Variants in NKAIN2 observed in about 807,000 individuals in gnomAD.
NKAIN2 encodes the protein sodium/potassium transporting ATPase interacting 2.
Under a neutral mutation model 32.6 loss-of-function variants are expected in NKAIN2, and 14 were observed. That is an observed-to-expected ratio of 0.43 (90% CI 0.28 to 0.67). The LOEUF is 0.67. Ranked by LOEUF, NKAIN2 falls within the 30% of genes least tolerant of loss-of-function variation. The pLI, the probability that NKAIN2 is intolerant of heterozygous loss-of-function variation, is 0.17. For missense variants in NKAIN2, 198 were observed against 258.3 expected (o/e 0.77, Z 1.60); for synonymous variants, 80 against 87.2 (o/e 0.92, Z 0.46).
chr6:123,849,647 A>G (rs761496721), intron 1 of NKAIN2, among the ~76,000 whole-genome samples: 2 of 152,092 alleles, frequency 1.3e-5, no homozygotes, highest in Non-Finnish European at 2.9e-5. Context: ...AAGGAGCTAC[A>G]GAGGCTGGGG....
intron 1 of NKAIN2, chr6:123,828,873 C>G (rs1358696126): frequency 1.3e-5 from 2 of 152,122 alleles, no homozygotes; most frequent in Non-Finnish European, 2.9e-5. Context: ...GGAAGCTCTC[C>G]CTGACCTTCA....
intron 3 of NKAIN2, among the ~76,000 whole-genome samples, chr6:124,639,088 G>A (rs1487130471): frequency 6.6e-6 from 1 of 152,010 alleles, no homozygotes; most frequent in African/African-American, 2.4e-5. Context: ...AGTAAATGCT[G>A]GTGAGGATTC....
At chr6:124,673,463 A>G (rs991704190) in intron 4 of NKAIN2, among the ~76,000 whole-genome samples, 11 of 152,156 alleles carry the variant, frequency 7.2e-5, no homozygotes, top group Middle Eastern at 6.8e-3. Context: ...AGAACTGTAT[A>G]CTGTTACACC....
chr6:124,251,689 G>T (rs889182053), intron 1 of NKAIN2, among the ~76,000 whole-genome samples: 2 of 152,014 alleles, frequency 1.3e-5, no homozygotes, highest in Non-Finnish European at 2.9e-5. Flanking sequence ...TACAAAGTTA[G>T]TCAATATTGT....
At chr6:123,908,749 C>A (rs1048676217) in intron 1 of NKAIN2, among the ~76,000 whole-genome samples, 2 of 152,008 alleles carry the variant, frequency 1.3e-5, no homozygotes, top group African/African-American at 4.8e-5. Context: ...GTTTGATTAG[C>A]GTTTTTAAAT....
chr6:124,821,250 G>A (rs570726074), intron 6 of NKAIN2, among the ~76,000 whole-genome samples: 16 of 151,170 alleles, frequency 1.1e-4, no homozygotes, highest in Middle Eastern at 6.8e-3. Context: ...AGCAAAGATC[G>A]TGCCACTGCA....
intron 1 of NKAIN2, among the ~76,000 whole-genome samples, chr6:124,263,941 A>T (rs140425813): frequency 6.6e-6 from 1 of 152,288 alleles, no homozygotes; most frequent in East Asian, 1.9e-4. Context: ...GCAATTTTGA[A>T]GCACCTATCA....
intron 3 of NKAIN2, among the ~76,000 whole-genome samples, chr6:124,627,334 T>G (rs1783393188): frequency 6.6e-6 from 1 of 152,102 alleles, no homozygotes; most frequent in African/African-American, 2.4e-5. Context: ...AAATGCATTT[T>G]TAAAACTACT....
intron 1 of NKAIN2, among the ~76,000 whole-genome samples, chr6:123,862,945 C>T (rs901007961): frequency 6.6e-6 from 1 of 152,174 alleles, no homozygotes; most frequent in Non-Finnish European, 1.5e-5. Context: ...GCATCCAGTG[C>T]AGTATACATA....
intron 1 of NKAIN2, chr6:124,122,001 A>G: frequency 2.1e-6 from 1 of 483,722 alleles, no homozygotes; most frequent in Non-Finnish European, 3.3e-6. Context: ...ATATTTGAAG[A>G]ACTCATGACC....
intron 1 of NKAIN2, among the ~76,000 whole-genome samples, chr6:124,197,637 C>A (rs1790378591): frequency 6.6e-6 from 1 of 152,040 alleles, no homozygotes; most frequent in South Asian, 2.1e-4. Context: ...CACCCTTTTA[C>A]ATGAACTATT....
chr6:124,327,789 T>G (rs930886243), intron 2 of NKAIN2, among the ~76,000 whole-genome samples: 1 of 152,166 alleles, frequency 6.6e-6, no homozygotes, highest in Non-Finnish European at 1.5e-5. Context: ...GAAATAGCAA[T>G]TAGAATATGT....
intron 1 of NKAIN2, among the ~76,000 whole-genome samples, chr6:124,073,804 C>T (rs1200751378): frequency 6.6e-6 from 1 of 152,076 alleles, no homozygotes; most frequent in Non-Finnish European, 1.5e-5. Context: ...CCTCCCTGCT[C>T]CCCCACCCCC....
At chr6:124,177,253 C>T (rs1789203518) in intron 1 of NKAIN2, among the ~76,000 whole-genome samples, 1 of 152,064 alleles carries the variant, frequency 6.6e-6, no homozygotes, top group South Asian at 2.1e-4. Flanking sequence ...ACAAGTAGTC[C>T]AAACAATTAG....
chr6:124,118,281 A>G (rs1785712658), intron 1 of NKAIN2, among the ~76,000 whole-genome samples: 1 of 152,184 alleles, frequency 6.6e-6, no homozygotes. Context: ...ACATAAAATG[A>G]ATTAAAAAAT....
At chr6:124,572,713 TAA>T (rs973140899) in intron 3 of NKAIN2, among the ~76,000 whole-genome samples, 2 of 151,506 alleles carry the variant, frequency 1.3e-5, no homozygotes, top group African/African-American at 2.4e-5. Context: ...CCCAGAAACA[TAA>T]GTTTAGATCA....
At chr6:124,524,648 T>C (rs998235820) in intron 3 of NKAIN2, among the ~76,000 whole-genome samples, 4 of 152,202 alleles carry the variant, frequency 2.6e-5, no homozygotes, top group Non-Finnish European at 5.9e-5. Context: ...ATTTAGATGA[T>C]AAAAATTCAA....
intron 2 of NKAIN2, among the ~76,000 whole-genome samples, chr6:124,290,064 A>AAG (rs1274776878): frequency 1.3e-5 from 2 of 152,064 alleles, no homozygotes; most frequent in Non-Finnish European, 2.9e-5. Flanking sequence ...ACAAAAAAAA[A>AAG]CATCATTACA....
intron 1 of NKAIN2, among the ~76,000 whole-genome samples, chr6:124,021,050 T>A (rs6935830): frequency 1.3e-5 from 2 of 151,884 alleles, no homozygotes; most frequent in Non-Finnish European, 2.9e-5. Context: ...ACTGAACACT[T>A]TACTGTAAGT....
Sources: gnomAD v4.1 joint callset for allele counts (sites outside exome capture counted in the v4.1 genomes callset) on GRCh38, gnomAD v4.1.1 for gene constraint, MANE v1.5 for transcripts, NCBI Gene and HGNC (gene_info 2026-07-23, HGNC 2026-07-21) for gene names.